Variants in ANKS1A observed in about 807,000 individuals in gnomAD.
ANKS1A encodes the protein ankyrin repeat and sterile alpha motif domain containing 1A, also known as ankyrin repeat and SAM domain-containing protein 1A.
Under a neutral mutation model 120.3 loss-of-function variants are expected in ANKS1A, and 55 were observed. That is an observed-to-expected ratio of 0.46 (90% CI 0.37 to 0.57). The LOEUF is 0.57. ANKS1A is among the 20% of genes least tolerant of loss of function. The probability of loss-of-function intolerance (pLI) is 0.00; values close to 1 mark genes in which losing one functional copy is unlikely to be tolerated. For missense variants in ANKS1A, 1,123 were observed against 1,480.3 expected (o/e 0.76, Z 3.96); for synonymous variants, 590 against 604.7 (o/e 0.98, Z 0.36).
intron 3 of ANKS1A, among the ~76,000 whole-genome samples, chr6:34,972,334 A>G (rs1308474368): frequency 6.6e-6 from 1 of 152,124 alleles, no homozygotes; most frequent in Non-Finnish European, 1.5e-5. Flanking sequence ...TAATGGATCT[A>G]GCTAGTGGTT....
chr6:34,960,052 G>A (rs1234509097), intron 1 of ANKS1A, among the ~76,000 whole-genome samples: 1 of 152,034 alleles, frequency 6.6e-6, no homozygotes, highest in African/African-American at 2.4e-5. Context: ...GATGTCCTCT[G>A]GCATCTCTGT....
chr6:34,988,872 G>A (rs572976740), intron 8 of ANKS1A, among the ~76,000 whole-genome samples: 4 of 152,296 alleles, frequency 2.6e-5, no homozygotes, highest in African/African-American at 9.6e-5. Context: ...AGACTGAAAA[G>A]TGAACCACTG....
chr6:35,076,001 C>G (rs1777334499), intron 13 of ANKS1A, among the ~76,000 whole-genome samples: 1 of 152,174 alleles, frequency 6.6e-6, no homozygotes, highest in African/African-American at 2.4e-5. Flanking sequence ...CTCAAGTGAT[C>G]CTCCCACCTC....
chr6:34,972,755 C>CAACAGTCAGCA, intron 3 of ANKS1A: 5 of 401,512 alleles, frequency 1.2e-5, no homozygotes, highest in Non-Finnish European at 1.3e-5. Context: ...ATCATGCTGA[C>CAACAGTCAGCA]TGTTGTCTGC....
intron 13 of ANKS1A, among the ~76,000 whole-genome samples, chr6:35,071,891 G>A (rs941214032): frequency 1.3e-5 from 2 of 152,184 alleles, no homozygotes; most frequent in Admixed American, 1.3e-4. Flanking sequence ...GGAGGGAGAG[G>A]GAGTCCAAGG....
chr6:34,982,894 C>T lies in ANKS1A; in HGVS notation c.808+67C>T. 6.2e-7 allele frequency: 1 copy of T among 1,600,448 alleles called. No individual in the cohort carries two copies. Among genetic ancestry groups the T allele is most frequent in the South Asian group, 1.1e-5 (1 of 90,708 alleles). ...GTTGGGATTGTTTCTCCCTAGTCCCCTAGGGGGATTTTTGCTGGCTGTGTT... is the reference window on the plus strand; with the variant it reads ...GTTGGGATTGTTTCTCCCTAGTCCCTTAGGGGGATTTTTGCTGGCTGTGTT... On this transcript the variant is annotated intron_variant, in intron 5 of 23. Transcript: ENST00000360359. The surrounding 1 kb of genome is among the most constrained non-coding windows in gnomAD (Gnocchi z 4.9).
intron 1 of ANKS1A, among the ~76,000 whole-genome samples, chr6:34,957,980 A>G (rs191498068): frequency 1.5e-3 from 234 of 152,370 alleles, no homozygotes; most frequent in African/African-American, 5.3e-3. Flanking sequence ...TATGGGTACC[A>G]TGCATGCAAA....
chr6:35,046,069 C>A (rs1477453369), intron 11 of ANKS1A, among the ~76,000 whole-genome samples: 3 of 152,170 alleles, frequency 2.0e-5, no homozygotes, highest in Non-Finnish European at 4.4e-5. Flanking sequence ...ACATATTCTA[C>A]TAGCTAAGTA....
chr6:34,924,968 C>T (rs1385436167), intron 1 of ANKS1A, among the ~76,000 whole-genome samples: 3 of 152,132 alleles, frequency 2.0e-5, no homozygotes, highest in Non-Finnish European at 4.4e-5. Flanking sequence ...TTTCCCCTGC[C>T]TAATTATATA....
intron 1 of ANKS1A, among the ~76,000 whole-genome samples, chr6:34,923,416 G>A (rs1031441248): frequency 3.3e-5 from 5 of 152,260 alleles, no homozygotes; most frequent in Admixed American, 2.0e-4. Flanking sequence ...TAAAGTCAAC[G>A]GAAGAACCTG....
intron 10 of ANKS1A, 59 bp from the exon 11 acceptor site, chr6:35,017,414 C>T (rs1042170590): frequency 1.3e-6 from 2 of 1,525,936 alleles, no homozygotes; most frequent in African/African-American, 2.8e-5. Context: ...TGCATTGGAA[C>T]TTTGTTGATT....
intron 1 of ANKS1A, among the ~76,000 whole-genome samples, chr6:34,925,600 G>T (rs909572095): frequency 6.6e-6 from 1 of 152,212 alleles, no homozygotes; most frequent in Non-Finnish European, 1.5e-5. Context: ...GGAGAATCTA[G>T]TTCAGGGAAA....
intron 10 of ANKS1A, 86 bp downstream of exon 10, chr6:34,994,508 AC>A (rs776152641): frequency 3.4e-5 from 53 of 1,539,844 alleles, no homozygotes; most frequent in African/African-American, 2.1e-4. Context: ...AGATGTCGTA[AC>A]TATGATATTC....
intron 1 of ANKS1A, among the ~76,000 whole-genome samples, chr6:34,893,945 C>A (rs1464458208): frequency 6.6e-6 from 1 of 152,120 alleles, no homozygotes; most frequent in Non-Finnish European, 1.5e-5. Flanking sequence ...ATATAGTTTT[C>A]TATCCAAAAT....
chr6:35,007,449 A>G (rs889244113), intron 10 of ANKS1A, among the ~76,000 whole-genome samples: 1 of 152,262 alleles, frequency 6.6e-6, no homozygotes, highest in Non-Finnish European at 1.5e-5. Flanking sequence ...AAATCATCAT[A>G]CAGGGCAAGC....
In ANKS1A at chr6:34,983,098, G is replaced by A. The variant is rs751532228; in HGVS notation, c.809-15G>A. On this transcript the variant is annotated splice_polypyrimidine_tract_variant and intron_variant, in intron 5 of 23. Coordinates refer to ENST00000360359, the MANE Select transcript of ANKS1A (RefSeq NM_015245.3). ...AAATGCTCACTCCCCTGGTCCACCT[G>A]GTGTGCCTTTCTAGGAACTGACGTC... 6.2e-7 allele frequency: 1 copy of A among 1,611,264 alleles called. No homozygotes were observed. The highest frequency in any genetic ancestry group is 8.5e-7 in the Non-Finnish European group (1 of 1,177,628).
chr6:34,890,711 T>C lies in ANKS1A; in HGVS notation c.197+1112T>C, dbSNP rs150027774. ...GGGGATTGGGGGTGCTTTGTTAGTG[T>C]GAGTTAAATGTGTTAGTTCAGCAGC... On this transcript the variant is annotated intron_variant, in intron 1 of 23. Coordinates refer to ENST00000360359, the MANE Select transcript of ANKS1A (RefSeq NM_015245.3). 2.5e-3 allele frequency among the ~76,000 whole-genome samples: 376 copies of C among 152,274 alleles called. 2 individuals carry two copies. The highest frequency in any genetic ancestry group is 8.6e-3 in the African/African-American group (357 of 41,556).
intron 1 of ANKS1A, among the ~76,000 whole-genome samples, chr6:34,891,922 CG>C (rs1362901762): frequency 6.6e-6 from 1 of 152,178 alleles, no homozygotes; most frequent in Non-Finnish European, 1.5e-5. Context: ...CCACCTTGCC[CG>C]GCCTCAGGTC....
chr6:34,967,345 G>A (rs900306642), intron 2 of ANKS1A, 26 bp downstream of exon 2: 1 of 1,607,664 alleles, frequency 6.2e-7, no homozygotes, highest in East Asian at 2.2e-5. Context: ...CTACATTCCT[G>A]CCTTCACCCT....
Sources: gnomAD v4.1 joint callset for allele counts (sites outside exome capture counted in the v4.1 genomes callset) on GRCh38, gnomAD v4.1.1 for gene constraint, Gnocchi (gnomAD v3.1) non-coding constraint, MANE v1.5 for transcripts, NCBI Gene and HGNC (gene_info 2026-07-23, HGNC 2026-07-21) for gene names.